Variants in SLC8A3 observed in about 807,000 individuals in gnomAD.
SLC8A3 encodes solute carrier family 8 member A3, also known as sodium/calcium exchanger 3.
Under a neutral mutation model 65.4 loss-of-function variants are expected in SLC8A3, and 37 were observed. The ratio of observed to expected loss-of-function variants is 0.57; its 90% CI spans 0.44 to 0.74. SLC8A3 has a LOEUF of 0.74. Among genes scored for constraint, SLC8A3 ranks in the 30% least tolerant of loss-of-function variants. The pLI is 0.00. For missense variants in SLC8A3, 1,112 were observed against 1,172.1 expected (o/e 0.95, Z 0.75); for synonymous variants, 461 against 444.5 (o/e 1.04, Z -0.47).
At chr14:70,157,655 C>T (rs906266794) in intron 2 of SLC8A3, among the ~76,000 whole-genome samples, 1 of 152,138 alleles carries the variant, frequency 6.6e-6, no homozygotes, top group Admixed American at 6.5e-5. Context: ...ACATGTCACC[C>T]AGGAGGGAGA....
intron 1 of SLC8A3, among the ~76,000 whole-genome samples, chr14:70,186,897 C>A (rs577998555): frequency 6.6e-6 from 1 of 152,178 alleles, no homozygotes; most frequent in Non-Finnish European, 1.5e-5. Context: ...AAGAGCATGG[C>A]GCAGCAGCTA....
chr14:70,062,379 A>G (rs1361326953), intron 2 of SLC8A3, among the ~76,000 whole-genome samples: 2 of 152,214 alleles, frequency 1.3e-5, no homozygotes, highest in Non-Finnish European at 2.9e-5. Flanking sequence ...CACATCTACA[A>G]TAGTGGTCCC....
chr14:70,092,222 T>C (rs1891850145), intron 2 of SLC8A3, among the ~76,000 whole-genome samples: 1 of 152,236 alleles, frequency 6.6e-6, no homozygotes. Flanking sequence ...TTTTTGCTTA[T>C]GTGATTGTTT....
chr14:70,065,410 T>A (rs1223809597), intron 2 of SLC8A3, among the ~76,000 whole-genome samples: 1 of 152,110 alleles, frequency 6.6e-6, no homozygotes, highest in Non-Finnish European at 1.5e-5. Context: ...ACCCCAGTCA[T>A]GGAAAAGCGT....
Position 70,046,125 on chromosome 14 carries a change from G to A in SLC8A3, c.2588C>T (p.Thr863Ile). 1 of 1,614,210 alleles carries A rather than the reference G, an allele frequency of 6.2e-7. No homozygotes were observed. Among genetic ancestry groups the A allele is most frequent in the South Asian group, 1.1e-5 (1 of 91,080 alleles). Residue 863 changes from threonine to isoleucine, a missense_variant, in exon 7 of 7, where the codon ACC becomes ATC. Physicochemically the swap from Thr to Ile is moderately conservative, Grantham distance 89 (BLOSUM62 -1). Transcript: ENST00000356921. The surrounding 1 kb of genome is among the most constrained non-coding windows in gnomAD (Gnocchi z 4.2). ...GCTGATGCAGACAAATGCAAAGATG[G>A]TGAAGAGGGTGACGGAGAAGGCCAG... ...GTLAFSVTLF[T>I]IFAFVCISVL...
At position 70,168,305 on chromosome 14, in the gene SLC8A3, TTGG is replaced by T; in HGVS notation, c.115_117del (p.Pro39del). The T allele has an allele frequency of 6.2e-7, 1 of 1,614,170 alleles. No homozygotes were observed. The highest frequency in any genetic ancestry group is 1.7e-5 in the Admixed American group (1 of 60,020). On this transcript the variant is annotated inframe_deletion, in exon 2 of 7. Coordinates refer to ENST00000356921, the MANE Select transcript of SLC8A3 (RefSeq NM_182932.3). Reference sequence around the variant, plus strand: ...CAGGACTCATTGTTCTGCCCTGTGCTTGGCACGTCCCCTGAGCCACCAGCCTCT... The same window carrying T: ...CAGGACTCATTGTTCTGCCCTGTGCTCACGTCCCCTGAGCCACCAGCCTCT...
chr14:70,127,723 G>C (rs1483593654), intron 2 of SLC8A3, among the ~76,000 whole-genome samples: 1 of 152,148 alleles, frequency 6.6e-6, no homozygotes, highest in Non-Finnish European at 1.5e-5. Context: ...AGGAAATCAG[G>C]CCCTTATAGA....
chr14:70,081,847 A>G (rs1052733810), intron 2 of SLC8A3, among the ~76,000 whole-genome samples: 1 of 152,228 alleles, frequency 6.6e-6, no homozygotes, highest in Non-Finnish European at 1.5e-5. Context: ...GGGTTGAAAG[A>G]ACAGTATGAA....
chr14:70,189,011 A>G (rs1179010036), upstream of SLC8A3: 1 of 152,142 alleles, frequency 6.6e-6, no homozygotes, highest in Non-Finnish European at 1.5e-5. Context: ...AGCCAAATCA[A>G]AAAGCCAATC....
chr14:70,150,226 A>G (rs974755874), intron 2 of SLC8A3, among the ~76,000 whole-genome samples: 2 of 152,230 alleles, frequency 1.3e-5, no homozygotes, highest in African/African-American at 4.8e-5. Context: ...AATTGTATTC[A>G]ATCCTCACAA....
At chr14:70,122,549 A>G (rs150985291) in intron 2 of SLC8A3, among the ~76,000 whole-genome samples, 82 of 152,302 alleles carry the variant, frequency 5.4e-4, no homozygotes, top group Non-Finnish European at 7.8e-4. Context: ...TACGATGGGT[A>G]GTAATAAACC....
Position 70,151,705 on chromosome 14 carries a change from G to T in SLC8A3, c.1784+14934C>A, listed in dbSNP as rs7150063. 8.9e-3 allele frequency among the ~76,000 whole-genome samples: 1,361 copies of T among 152,286 alleles called. 19 individuals carry two copies. The highest frequency in any genetic ancestry group is 0.03 in the African/African-American group (1,236 of 41,554). On this transcript the variant is annotated intron_variant, in intron 2 of 6. Coordinates refer to ENST00000356921, the MANE Select transcript of SLC8A3 (RefSeq NM_182932.3). ...AGTAGAAATGTATTCTCCCCAACAG[G>T]TCTGGAGGCTAGAAGTCCAAAATCA...
chr14:70,116,421 A>C (rs1450396614), intron 2 of SLC8A3, among the ~76,000 whole-genome samples: 2 of 152,086 alleles, frequency 1.3e-5, no homozygotes, highest in Non-Finnish European at 2.9e-5. Context: ...CAGGAAGCAC[A>C]GTTTGAGAAC....
intron 2 of SLC8A3, among the ~76,000 whole-genome samples, chr14:70,154,740 T>A (rs987931835): frequency 2.2e-4 from 33 of 152,184 alleles, no homozygotes; most frequent in Non-Finnish European, 7.3e-5. Flanking sequence ...AAAACATTAT[T>A]CTTAATGGTT....
At position 70,131,717 on chromosome 14, in the gene SLC8A3, CAG is replaced by C. The variant is rs1424802316; in HGVS notation, c.1784+34920_1784+34921del. On this transcript the variant is annotated intron_variant, in intron 2 of 6. Transcript: ENST00000356921. ...GAAATGTGTCAGTTACAGAATGTGTCAGAGTCTATAAGTGTTTAGGAAGACAT... is the reference window on the plus strand; with the variant it reads ...GAAATGTGTCAGTTACAGAATGTGTCAGTCTATAAGTGTTTAGGAAGACAT... Among the ~76,000 whole-genome samples, 5 of 152,306 alleles carry C rather than the reference CAG, an allele frequency of 3.3e-5. No homozygotes were observed. In the East Asian group the frequency reaches 7.7e-4, roughly 23 times the overall value.
chr14:70,187,384 T>C (rs1394094337), intron 1 of SLC8A3, among the ~76,000 whole-genome samples: 1 of 151,324 alleles, frequency 6.6e-6, no homozygotes, highest in Non-Finnish European at 1.5e-5. Context: ...AAATTTATGG[T>C]ACTGCATTAA....
intron 2 of SLC8A3, among the ~76,000 whole-genome samples, chr14:70,075,609 C>A (rs1163224732): frequency 6.6e-6 from 1 of 152,166 alleles, no homozygotes; most frequent in Non-Finnish European, 1.5e-5. Flanking sequence ...GCCACACCAC[C>A]CTACTTAAAC....
chr14:70,072,069 G>A (rs1463482256), intron 2 of SLC8A3, among the ~76,000 whole-genome samples: 1 of 152,148 alleles, frequency 6.6e-6, no homozygotes, highest in Non-Finnish European at 1.5e-5. Context: ...GGAACATTTT[G>A]TCTCTACTGA....
chr14:70,159,942 T>C (rs1434048431), intron 2 of SLC8A3, among the ~76,000 whole-genome samples: 2 of 152,200 alleles, frequency 1.3e-5, no homozygotes, highest in African/African-American at 4.8e-5. Context: ...TTTCTCATAC[T>C]ATCAGCCCTT....
Sources: allele counts gnomAD v4.1 joint callset (sites outside exome capture counted in the v4.1 genomes callset), GRCh38; gene constraint gnomAD v4.1.1; non-coding constraint Gnocchi (gnomAD v3.1); transcripts MANE v1.5; gene names NCBI Gene and HGNC (gene_info 2026-07-23, HGNC 2026-07-21).